MPV17L: variants seen among roughly 807,000 people sequenced by gnomAD.
MPV17L encodes the protein MPV17 mitochondrial inner membrane protein like.
In MPV17L, 24 loss-of-function variants were observed where a neutral mutation model predicts 25.8. That is an observed-to-expected ratio of 0.93 (90% CI 0.67 to 1.31). MPV17L has a LOEUF of 1.31. Among genes scored for constraint, MPV17L ranks in the 50% most tolerant of loss-of-function variants. MPV17L has a pLI of 0.00. For synonymous variants in MPV17L, 102 were observed against 115.3 expected, an observed-to-expected ratio of 0.88 and a Z score of 0.74; for missense variants, 250 against 265.6, an observed-to-expected ratio of 0.94 and a Z score of 0.41.
rs1259865020 is a variant in MPV17L, at chr16:15,396,191, C to T, written c.294C>T (p.Val98=). The stretch of plus-strand genomic sequence containing the variant: ...AGGTGGTCGGTGCGCCCATCGCGGT[C>T]TCGGCCTTCTATGTCGGTGAGGGGC... ...CDQVVGAPIA[V]SAFYVGMSIL... Residue 98 remains valine (V), a synonymous_variant, in exon 1 of 4, where the codon GTC becomes GTT. Transcript: ENST00000396385. 2.6e-6 allele frequency: 4 copies of T among 1,549,856 alleles called. No individual in the cohort carries two copies. The highest frequency in any genetic ancestry group is 2.0e-5 in the Admixed American group (1 of 51,096).
intron 2 of MPV17L, among the ~76,000 whole-genome samples, chr16:15,405,594 T>C (rs1355599092): frequency 6.6e-6 from 1 of 151,686 alleles, no homozygotes; most frequent in East Asian, 2.0e-4. Context: ...GATTACAGGT[T>C]CCTGCAATCA....
chr16:15,405,109 C>G (rs545371932), intron 2 of MPV17L, among the ~76,000 whole-genome samples: 2 of 152,002 alleles, frequency 1.3e-5, no homozygotes, highest in Non-Finnish European at 2.9e-5. Flanking sequence ...TGTACTTGCA[C>G]CTGCCCTGCC....
chr16:15,408,294 G>C lies in MPV17L; in HGVS notation c.*182G>C. 1.9e-6 allele frequency: 1 copy of C among 517,638 alleles called. No homozygotes were observed. The highest frequency in any genetic ancestry group is 4.3e-5 in the South Asian group (1 of 23,494). The allele number at this position is 517,638 out of a possible 1,614,324, so 32.1% of individuals were successfully genotyped here. A position where few individuals can be genotyped will look rare whatever the true frequency, so the allele number is the denominator to read the frequency against. On this transcript the variant is annotated 3_prime_UTR_variant, in exon 4 of 4. Transcript: ENST00000396385. ...TGAATTGTATTCAGACTTTTTTCCT[G>C]TTCTAGTCTGAAATATTACTTCTCT...
At position 15,407,817 on chromosome 16, in the gene MPV17L, A is replaced by G. The variant is rs768868139; in HGVS notation, c.382-7A>G. Reference sequence around the variant, plus strand: ...AAGTTGTTGCTTTTTTTTTTTCCCAATTCCAGAGTGGACTGATGTACTGGC... The same window carrying G: ...AAGTTGTTGCTTTTTTTTTTTCCCAGTTCCAGAGTGGACTGATGTACTGGC... On this transcript the variant is annotated splice_region_variant and splice_polypyrimidine_tract_variant and intron_variant, in intron 2 of 3. Transcript: ENST00000396385. 1.9e-6 allele frequency: 3 copies of G among 1,598,020 alleles called. No individual in the cohort carries two copies. The highest frequency in any genetic ancestry group is 3.6e-5 in the Admixed American group (2 of 56,286).
intron 2 of MPV17L, among the ~76,000 whole-genome samples, chr16:15,405,778 C>T (rs981987344): frequency 6.6e-6 from 1 of 151,762 alleles, no homozygotes; most frequent in African/African-American, 2.4e-5. Flanking sequence ...GGCTCGGTGT[C>T]TCACGCCTGT....
chr16:15,401,080 ATATATATTTTT>A (rs1256763306), intron 2 of MPV17L, among the ~76,000 whole-genome samples: 2 of 33,094 alleles, frequency 6.0e-5, no homozygotes, highest in African/African-American at 7.8e-5. Flanking sequence ...ATATATATAT[ATATATATTTTT>A]TTTTTTTTTT....
chr16:15,399,532 A>G (rs2050616156), intron 1 of MPV17L: 2 of 397,436 alleles, frequency 5.0e-6, no homozygotes, highest in East Asian at 8.0e-5. Context: ...CTGCCTCTGG[A>G]GTAGCTGGGA....
At chr16:15,399,259 G>A (rs1003305883) in intron 1 of MPV17L, among the ~76,000 whole-genome samples, 3 of 152,118 alleles carry the variant, frequency 2.0e-5, no homozygotes, top group African/African-American at 7.2e-5. Flanking sequence ...GCTGGGTCAT[G>A]TAAGAATCGT....
In MPV17L at chr16:15,396,206, C is replaced by G. The variant is rs1014712061; in HGVS notation, c.309C>G (p.Val103=). ...CCATCGCGGTCTCGGCCTTCTATGT[C>G]GGTGAGGGGCCGGGAGGGGACCTGG... ...GAPIAVSAFY[V]GMSILQGKDD... Residue 103 remains valine (V), a splice_region_variant and synonymous_variant, in exon 1 of 4, where the codon GTC becomes GTG. Transcript: ENST00000396385. 3 of 1,547,918 alleles carry G rather than the reference C, an allele frequency of 1.9e-6. No individual in the cohort carries two copies. Among genetic ancestry groups the G allele is most frequent in the Admixed American group, 3.9e-5 (2 of 50,978 alleles).
rs746777021 is a variant in MPV17L, at chr16:15,396,127, G to T, written c.230G>T (p.Arg77Leu). The T allele has an allele frequency of 6.5e-7, 1 of 1,546,920 alleles. No homozygotes were observed. The highest frequency in any genetic ancestry group is 8.7e-7 in the Non-Finnish European group (1 of 1,146,796). ...CTGCTGGAGCGCGCGCTCCCGGGCC[G>T]AGCGCCGCACGCCCTGCTGGCCAAG... ...LRLLERALPG[R>L]APHALLAKLL... The change falls in exon 1 of 4, where the codon CGA becomes CTA. Residue 77 changes from arginine (R) to leucine (L), a missense_variant. Transcript: ENST00000396385.
In MPV17L at chr16:15,399,491, G is replaced by A. The variant is rs1191009333; in HGVS notation, c.311-1296G>A. 17 of 438,240 alleles carry A rather than the reference G, an allele frequency of 3.9e-5. No homozygotes were observed. In the Admixed American group the frequency reaches 3.9e-4, roughly 10 times the overall value. The allele number at this position is 438,240 out of a possible 1,614,324, so 27.1% of individuals were successfully genotyped here. A position where few individuals can be genotyped will look rare whatever the true frequency, so the allele number is the denominator to read the frequency against. On this transcript the variant is annotated intron_variant, in intron 1 of 3. Coordinates refer to ENST00000396385, the MANE Select transcript of MPV17L (RefSeq NM_001128423.2). Reference sequence around the variant, plus strand: ...TGTGATCACAGCTCATTGCAGCCTCGACCTCCTGGGCTCAAGCGATCCTCC... The same window carrying A: ...TGTGATCACAGCTCATTGCAGCCTCAACCTCCTGGGCTCAAGCGATCCTCC...
chr16:15,402,356 G>A (rs554540448), intron 2 of MPV17L, among the ~76,000 whole-genome samples: 9 of 152,248 alleles, frequency 5.9e-5, no homozygotes, highest in Non-Finnish European at 1.2e-4. Flanking sequence ...CAGAATGTTC[G>A]CAGACTGGCC....
In MPV17L at chr16:15,395,793, C is replaced by G. The variant is rs146855497; in HGVS notation, c.-105C>G. On this transcript the variant is annotated 5_prime_UTR_variant, in exon 1 of 4. Coordinates refer to ENST00000396385, the MANE Select transcript of MPV17L (RefSeq NM_001128423.2). ...TTCTGGAGGGGGCAGATGCAGGTGC[C>G]GGCTGCTGCAGTGCAGTAGCTGCTG... The G allele has an allele frequency of 1.9e-5, 20 of 1,056,908 alleles. No homozygotes were observed. Among genetic ancestry groups the G allele is most frequent in the African/African-American group, 1.3e-4 (8 of 59,558 alleles). 65.5% of individuals were successfully genotyped at this position (1,056,908 alleles called of 1,614,324 possible).
chr16:15,400,928 A>G (rs1004256900), intron 2 of MPV17L, 71 bp downstream of exon 2: 1 of 996,356 alleles, frequency 1.0e-6, no homozygotes, highest in Non-Finnish European at 1.4e-6. Flanking sequence ...GTATAAAAAT[A>G]TATGTTTTGT....
intron 1 of MPV17L, chr16:15,399,358 T>C: frequency 2.2e-6 from 1 of 453,684 alleles, no homozygotes; most frequent in Middle Eastern, 3.3e-4. Context: ...TTTACAACCT[T>C]CCTAAAATAG....
intron 2 of MPV17L, among the ~76,000 whole-genome samples, chr16:15,402,471 C>T (rs1296373084): frequency 1.3e-5 from 2 of 152,172 alleles, no homozygotes; most frequent in Admixed American, 1.3e-4. Context: ...TACCAGGCCC[C>T]TGAGCCAGCA....
chr16:15,405,076 G>C (rs2050669205), intron 2 of MPV17L, among the ~76,000 whole-genome samples: 1 of 152,084 alleles, frequency 6.6e-6, no homozygotes, highest in Non-Finnish European at 1.5e-5. Flanking sequence ...TTTCTGGCAT[G>C]ACAGCGTGTT....
At chr16:15,399,635 A>G (rs1482536662) in intron 1 of MPV17L, 1 of 233,876 alleles carries the variant, frequency 4.3e-6, no homozygotes, top group Non-Finnish European at 8.6e-6. Context: ...ATTTCTCTTC[A>G]GGGATATTGA....
chr16:15,405,190 AAT>A (rs1442396466), intron 2 of MPV17L, among the ~76,000 whole-genome samples: 4 of 152,002 alleles, frequency 2.6e-5, no homozygotes, highest in Non-Finnish European at 5.9e-5. Context: ...TTGAGAACAA[AAT>A]ATACTACTAC....
Sources: gnomAD v4.1 joint callset for allele counts (sites outside exome capture counted in the v4.1 genomes callset) on GRCh38, gnomAD v4.1.1 for gene constraint, MANE v1.5 for transcripts, NCBI Gene and HGNC (gene_info 2026-07-23, HGNC 2026-07-21) for gene names.